The following LRRIQ3 variants were observed in gnomAD, a reference collection of about 807,000 sequenced individuals.
LRRIQ3 encodes the protein leucine rich repeats and IQ motif containing 3, also known as leucine-rich repeat and IQ domain-containing protein 3.
Under a neutral mutation model 59.3 loss-of-function variants are expected in LRRIQ3, and 75 were observed. The observed-to-expected ratio is 1.26, with a 90% CI of 1.05 to 1.53. The LOEUF (loss-of-function observed/expected upper bound fraction) is 1.53, where lower values mean the gene tolerates loss of function less well. LRRIQ3 is among the 40% of genes most tolerant of loss of function. The pLI, the probability that LRRIQ3 is intolerant of heterozygous loss-of-function variation, is 0.00. For synonymous variants in LRRIQ3, 250 were observed against 231.3 expected, an observed-to-expected ratio of 1.08 and a Z score of -0.73; for missense variants, 831 against 710.0, an observed-to-expected ratio of 1.17 and a Z score of -1.94.
chr1:74,136,243 A>G (rs1465786345), intron 4 of LRRIQ3, among the ~76,000 whole-genome samples: 1 of 152,026 alleles, frequency 6.6e-6, no homozygotes, highest in Non-Finnish European at 1.5e-5. Flanking sequence ...ACAATTTAAA[A>G]TGTTCCCATA....
chr1:74,148,771 A>T (rs775671327), intron 4 of LRRIQ3, among the ~76,000 whole-genome samples: 91 of 152,228 alleles, frequency 6.0e-4, no homozygotes, highest in Non-Finnish European at 5.6e-4. Flanking sequence ...ACATAACATG[A>T]CCATGCGAGT....
At chr1:74,082,276 T>C (rs1570084658) in intron 5 of LRRIQ3, 1 of 151,742 alleles carries the variant, frequency 6.6e-6, no homozygotes, top group East Asian at 1.9e-4. Context: ...AGCTCCTGAT[T>C]AAAATCTGCA....
At chr1:74,087,744 C>T (rs966267827) in intron 5 of LRRIQ3, among the ~76,000 whole-genome samples, 1 of 151,788 alleles carries the variant, frequency 6.6e-6, no homozygotes, top group African/African-American at 2.4e-5. Flanking sequence ...TTATAAAGAC[C>T]ATCATATTTG....
At chr1:74,158,966 C>T (rs1648505893) in intron 3 of LRRIQ3, among the ~76,000 whole-genome samples, 1 of 152,164 alleles carries the variant, frequency 6.6e-6, no homozygotes, top group Non-Finnish European at 1.5e-5. Context: ...CCAGCCAGCA[C>T]ACAGTCTCCC....
chr1:74,080,445 T>G (rs1174164379), intron 5 of LRRIQ3, among the ~76,000 whole-genome samples: 2 of 151,692 alleles, frequency 1.3e-5, no homozygotes, highest in African/African-American at 2.4e-5. Context: ...CCAAGAGAGA[T>G]AATGATTTAT....
intron 6 of LRRIQ3, among the ~76,000 whole-genome samples, chr1:74,068,960 A>C (rs1274894858): frequency 6.6e-6 from 1 of 152,108 alleles, no homozygotes; most frequent in Non-Finnish European, 1.5e-5. Context: ...GAAACCATAA[A>C]ATCACCTTTA....
intron 4 of LRRIQ3, among the ~76,000 whole-genome samples, chr1:74,129,138 G>C (rs1397317681): frequency 1.3e-5 from 2 of 152,044 alleles, no homozygotes; most frequent in African/African-American, 4.8e-5. Context: ...CGAGCCTGCA[G>C]AGCTTTAAAA....
chr1:74,197,487 C>T (rs1295503204), intron 1 of LRRIQ3, among the ~76,000 whole-genome samples: 1 of 151,910 alleles, frequency 6.6e-6, no homozygotes, highest in Admixed American at 6.6e-5. Flanking sequence ...ATATAGCTAC[C>T]CAAAAAAACA....
intron 7 of LRRIQ3, among the ~76,000 whole-genome samples, chr1:74,029,750 T>C (rs914795805): frequency 6.6e-6 from 1 of 152,110 alleles, no homozygotes; most frequent in Non-Finnish European, 1.5e-5. Flanking sequence ...TTTCTATTGA[T>C]TGGAATAATT....
In LRRIQ3 at chr1:74,041,526, G is replaced by C. The variant is rs1425924300; in HGVS notation, c.1405C>G (p.Gln469Glu). Residue 469 changes from glutamine (Q) to glutamate (E), a missense_variant, in exon 7 of 8, where the codon CAA (glutamine) becomes GAA (glutamate). Gln to Glu is a conservative substitution (Grantham distance 29). Transcript: ENST00000354431. ...TCTTTATTTTCTTCAATTAGTTTTT[G>C]TGTAGCATATTTTTTCTGATTCAAA... The part of the protein sequence containing the change: ...EHLNQKKYAT[Q>E]KLIEENKETI... 2 of 1,611,538 alleles carry C rather than the reference G, an allele frequency of 1.2e-6. No individual in the cohort carries two copies. Among genetic ancestry groups the C allele is most frequent in the African/African-American group, 2.7e-5 (2 of 74,640 alleles).
intron 5 of LRRIQ3, among the ~76,000 whole-genome samples, chr1:74,087,381 C>CTTTTTTTTTTTTTTTTTTTTTTTTT (rs57068994): frequency 1.7e-5 from 1 of 59,006 alleles, no homozygotes; most frequent in African/African-American, 7.2e-5. Context: ...AAAATTTTAT[C>CTTTTTTTTTTTTTTTTTTTTTTTTT]TTTTTTTTTT....
chr1:74,040,770 T>C (rs1173188478), intron 7 of LRRIQ3, among the ~76,000 whole-genome samples: 1 of 152,186 alleles, frequency 6.6e-6, no homozygotes, highest in Non-Finnish European at 1.5e-5. Flanking sequence ...TACCAGAATT[T>C]CTGGGACACA....
At position 74,084,234 on chromosome 1, in the gene LRRIQ3, A is replaced by G. The variant is rs778635884; in HGVS notation, c.868-9444T>C. ...TTTTTATCCTGAAGAAAAATACAGTAATAAAGTTTAAAGATGGAAAAAATC... is the reference window on the plus strand; with the variant it reads ...TTTTTATCCTGAAGAAAAATACAGTGATAAAGTTTAAAGATGGAAAAAATC... On this transcript the variant is annotated intron_variant, in intron 5 of 7. Coordinates refer to ENST00000354431, the MANE Select transcript of LRRIQ3 (RefSeq NM_001105659.2). 1.4e-5 allele frequency: 21 copies of G among 1,541,740 alleles called. No individual in the cohort carries two copies. The South Asian group carries it at 2.4e-4, about 18-fold the overall frequency.
intron 5 of LRRIQ3, among the ~76,000 whole-genome samples, chr1:74,090,004 T>C (rs17094862): frequency 0.033 from 5,088 of 152,116 alleles, 307 homozygotes; most frequent in African/African-American, 0.12. Flanking sequence ...GGATTCACAT[T>C]TTCAAAAACT....
chr1:74,061,582 A>G (rs1654722479), intron 6 of LRRIQ3, among the ~76,000 whole-genome samples: 1 of 152,096 alleles, frequency 6.6e-6, no homozygotes, highest in Non-Finnish European at 1.5e-5. Flanking sequence ...ACTTCCTTAT[A>G]CCATATAGAA....
At chr1:74,098,277 T>A (rs1311201010) in intron 5 of LRRIQ3, among the ~76,000 whole-genome samples, 4 of 152,042 alleles carry the variant, frequency 2.6e-5, no homozygotes, top group East Asian at 1.9e-4. Flanking sequence ...TAAAACAGAC[T>A]TTAAACCAAA....
Position 74,026,836 on chromosome 1 carries a change from C to T in LRRIQ3, c.1852G>A (p.Val618Ile). The T allele has an allele frequency of 1.9e-6, 3 of 1,607,394 alleles. No individual in the cohort carries two copies. Among genetic ancestry groups the T allele is most frequent in the Non-Finnish European group, 2.5e-6 (3 of 1,177,264 alleles). Residue 618 changes from valine (V) to isoleucine (I), a missense_variant, in exon 8 of 8, where the codon GTT (valine) becomes ATT (isoleucine). Physicochemically the swap from Val to Ile is conservative, Grantham distance 29. Coordinates refer to ENST00000354431, the MANE Select transcript of LRRIQ3 (RefSeq NM_001105659.2). ...AIVKTNLDFKVPNGLIK is the reference protein window; with the variant it reads ...AIVKTNLDFKIPNGLIK The stretch of plus-strand genomic sequence containing the variant: ...ATTCATTTTATCAGTCCATTGGGAA[C>T]TTTAAAGTCTAAATTTGTTTTCACA...
intron 5 of LRRIQ3, among the ~76,000 whole-genome samples, chr1:74,098,857 G>A (rs943483821): frequency 7.9e-5 from 12 of 152,024 alleles, no homozygotes; most frequent in Non-Finnish European, 1.2e-4. Flanking sequence ...TGAAACCAAT[G>A]AGAAAAAAGA....
intron 5 of LRRIQ3, among the ~76,000 whole-genome samples, chr1:74,099,250 A>T (rs923417682): frequency 1.2e-4 from 19 of 152,158 alleles, no homozygotes; most frequent in Non-Finnish European, 2.8e-4. Context: ...CAGAAATACA[A>T]ACTACCATCA....
Sources: gnomAD v4.1 joint callset for allele counts (sites outside exome capture counted in the v4.1 genomes callset) on GRCh38, gnomAD v4.1.1 for gene constraint, MANE v1.5 for transcripts, NCBI Gene and HGNC (gene_info 2026-07-23, HGNC 2026-07-21) for gene names.